LRRC17: variants seen among roughly 807,000 people sequenced by gnomAD.
LRRC17 encodes the protein leucine rich repeat containing 17.
In LRRC17, 33 loss-of-function variants were observed where a neutral mutation model predicts 41.5. The observed-to-expected ratio is 0.80, with a 90% CI of 0.60 to 1.06. The LOEUF (loss-of-function observed/expected upper bound fraction) is 1.06, where lower values mean the gene tolerates loss of function less well. LRRC17 is among the 50% of genes least tolerant of loss of function. LRRC17 has a pLI of 0.00. For synonymous variants in LRRC17, 192 were observed against 197.0 expected (o/e 0.97, Z 0.21); for missense variants, 491 against 519.3 (o/e 0.95, Z 0.53).
chr7:102,926,507 TCTA>T, intron 1 of LRRC17: 1 of 643,068 alleles, frequency 1.6e-6, no homozygotes, highest in South Asian at 2.0e-5. Context: ...ATATTCTTTA[TCTA>T]CTATTAGGTT....
intron 1 of LRRC17, among the ~76,000 whole-genome samples, chr7:102,925,056 C>A (rs747079902): frequency 2.0e-5 from 3 of 152,224 alleles, no homozygotes. Context: ...AAATTTGAAT[C>A]TCTCCTAGTG....
At position 102,939,594 on chromosome 7, in the gene LRRC17, C is replaced by T. The variant is rs1176475459; in HGVS notation, c.928+9C>T. On this transcript the variant is annotated intron_variant, in intron 3 of 3. Coordinates refer to ENST00000339431, the MANE Select transcript of LRRC17 (RefSeq NM_001031692.3). The stretch of plus-strand genomic sequence containing the variant: ...TGAATTCATCGATCCTGGTAAGTTC[C>T]CCTGTATAGCCCCTTCAATGGGTGG... The T allele has an allele frequency of 1.3e-6, 2 of 1,596,988 alleles. No individual in the cohort carries two copies. Among genetic ancestry groups the T allele is most frequent in the Middle Eastern group, 1.7e-4 (1 of 5,984 alleles).
At chr7:102,914,918 G>T (rs1815527137) in intron 1 of LRRC17, among the ~76,000 whole-genome samples, 1 of 152,100 alleles carries the variant, frequency 6.6e-6, no homozygotes, top group African/African-American at 2.4e-5. Context: ...GGTGGGGAGA[G>T]GCACACCAGG....
chr7:102,936,891 C>A (rs55681588), intron 2 of LRRC17, among the ~76,000 whole-genome samples: 2 of 151,802 alleles, frequency 1.3e-5, no homozygotes, highest in Non-Finnish European at 2.9e-5. Flanking sequence ...TTCCCTCCCC[C>A]AATGAGCCTA....
rs1311393766 is a variant in LRRC17 at position 102,934,462 on chromosome 7, C to G, written c.549C>G (p.Asn183Lys). The change falls in exon 2 of 4, where the codon AAC becomes AAG. Residue 183 changes from asparagine to lysine, a missense_variant. By Grantham distance (94) the Asn-to-Lys change is moderately conservative. Transcript: ENST00000339431. The part of the protein sequence containing the change: ...TLISMLQIPR[N>K]RNLGNYAKCE... ...TTTCAATGTTGCAGATTCCCAGGAACCGGAATTTGGGGAACTACGCCAAGT... is the reference window on the plus strand; with the variant it reads ...TTTCAATGTTGCAGATTCCCAGGAAGCGGAATTTGGGGAACTACGCCAAGT... 3 of 1,613,996 alleles carry G rather than the reference C, an allele frequency of 1.9e-6. No homozygotes were observed. Among genetic ancestry groups the G allele is most frequent in the Non-Finnish European group, 2.5e-6 (3 of 1,180,032 alleles).
chr7:102,938,766 C>A (rs1342607127), intron 2 of LRRC17, among the ~76,000 whole-genome samples: 1 of 152,126 alleles, frequency 6.6e-6, no homozygotes, highest in East Asian at 1.9e-4. Context: ...GGTAAAAGAA[C>A]TAAAGAATTT....
chr7:102,915,781 T>C (rs982495437), intron 1 of LRRC17, among the ~76,000 whole-genome samples: 3 of 152,216 alleles, frequency 2.0e-5, no homozygotes, highest in Non-Finnish European at 4.4e-5. Context: ...TTTATTAACA[T>C]ATTAAGTAAG....
intron 1 of LRRC17, among the ~76,000 whole-genome samples, chr7:102,932,738 AGC>A (rs1163771323): frequency 2.6e-5 from 4 of 152,004 alleles, no homozygotes; most frequent in African/African-American, 4.8e-5. Context: ...ATTCCCAAGT[AGC>A]TGACACTACA....
intron 1 of LRRC17, among the ~76,000 whole-genome samples, chr7:102,916,512 T>G (rs1815897988): frequency 6.6e-6 from 1 of 152,190 alleles, no homozygotes; most frequent in Non-Finnish European, 1.5e-5. Flanking sequence ...GAATCTTGGG[T>G]GGCCCTGTAG....
chr7:102,936,804 G>A (rs1820401115), intron 2 of LRRC17, among the ~76,000 whole-genome samples: 1 of 148,902 alleles, frequency 6.7e-6, no homozygotes, highest in Non-Finnish European at 1.5e-5. Context: ...CTTCTACAAC[G>A]AGACTACACT....
rs567863697 is a variant in LRRC17 at position 102,944,753 on chromosome 7, G to A, written c.*146G>A. ...TTTCTTTAATTATAAGTATTATTGT[G>A]ACTATTATAGTAATCAAGAGAATGC... On this transcript the variant is annotated 3_prime_UTR_variant, in exon 4 of 4. Coordinates refer to ENST00000339431, the MANE Select transcript of LRRC17 (RefSeq NM_001031692.3). 1.5e-6 allele frequency: 1 copy of A among 679,298 alleles called. No homozygotes were observed. The allele number at this position is 679,298 out of a possible 1,614,324, so 42.1% of individuals were successfully genotyped here.
intron 1 of LRRC17, among the ~76,000 whole-genome samples, chr7:102,923,836 A>C (rs1040591467): frequency 2.6e-5 from 4 of 152,248 alleles, no homozygotes; most frequent in Middle Eastern, 6.8e-3. Context: ...AAATAAATAA[A>C]TAAATAAAAA....
rs1476686375 is a variant in LRRC17 at position 102,934,068 on chromosome 7, T to G, written c.155T>G (p.Leu52Arg). 1 of 1,614,188 alleles carries G rather than the reference T, an allele frequency of 6.2e-7. No individual in the cohort carries two copies. The highest frequency in any genetic ancestry group is 1.1e-5 in the South Asian group (1 of 91,084). Reference protein sequence around the residue: ...SNPVKRYAPGLPCDVYTYLHE... With the variant: ...SNPVKRYAPGRPCDVYTYLHE... ...CCGGTCAAACGCTACGCACCAGGCC[T>G]CCCGTGTGACGTGTACACATATCTC... Residue 52 changes from leucine to arginine, a missense_variant, in exon 2 of 4, where the codon CTC becomes CGC. Coordinates refer to ENST00000339431, the MANE Select transcript of LRRC17 (RefSeq NM_001031692.3).
chr7:102,924,892 G>T (rs1309383455), intron 1 of LRRC17, among the ~76,000 whole-genome samples: 1 of 151,722 alleles, frequency 6.6e-6, no homozygotes, highest in African/African-American at 2.4e-5. Flanking sequence ...GCCTCCCAAA[G>T]TGCTGGGATT....
chr7:102,944,470 T>C lies in LRRC17; in HGVS notation c.1189T>C (p.Tyr397His), dbSNP rs372273902. 10 of 1,613,986 alleles carry C rather than the reference T, an allele frequency of 6.2e-6. No homozygotes were observed. The highest frequency in any genetic ancestry group is 4.4e-5 in the South Asian group (4 of 91,070). The change falls in exon 4 of 4, where the codon TAT (tyrosine) becomes CAT (histidine). Residue 397 changes from tyrosine (Y) to histidine (H), a missense_variant. Transcript: ENST00000339431. ...WSVGKYIRSY[Y>H]EECPKDKLPA... ...TGTGGGAAAATATATTAGAAGTTACTATGAAGAATGCCCCAAAGACAAGTT... is the reference window on the plus strand; with the variant it reads ...TGTGGGAAAATATATTAGAAGTTACCATGAAGAATGCCCCAAAGACAAGTT...
At chr7:102,923,376 A>T (rs942736277) in intron 1 of LRRC17, among the ~76,000 whole-genome samples, 4 of 152,152 alleles carry the variant, frequency 2.6e-5, no homozygotes, top group African/African-American at 9.7e-5. Context: ...CAAGCTATCA[A>T]TGAGAGGTCA....
chr7:102,918,551 C>G (rs1450379292), intron 1 of LRRC17, among the ~76,000 whole-genome samples: 1 of 152,174 alleles, frequency 6.6e-6, no homozygotes, highest in East Asian at 1.9e-4. Context: ...CAGAGTGGAT[C>G]ATGCCTATAA....
intron 1 of LRRC17, among the ~76,000 whole-genome samples, chr7:102,918,867 T>C (rs949240209): frequency 9.2e-5 from 14 of 152,240 alleles, no homozygotes; most frequent in African/African-American, 3.4e-4. Context: ...TCTATGTTTA[T>C]GTACATACAT....
chr7:102,931,901 A>G (rs755764310), intron 1 of LRRC17: 1 of 1,613,708 alleles, frequency 6.2e-7, no homozygotes, highest in South Asian at 1.1e-5. Flanking sequence ...GGGCAGTCAG[A>G]GACATTCAAC....
Sources: allele counts gnomAD v4.1 joint callset (sites outside exome capture counted in the v4.1 genomes callset), GRCh38; gene constraint gnomAD v4.1.1; transcripts MANE v1.5; gene names NCBI Gene and HGNC (gene_info 2026-07-23, HGNC 2026-07-21).